MAP3K13: variants seen among roughly 807,000 people sequenced by gnomAD.
MAP3K13 encodes leucine zipper-bearing kinase.
In MAP3K13, 52 loss-of-function variants were observed where a neutral mutation model predicts 104.0. The ratio of observed to expected loss-of-function variants is 0.50; its 90% confidence interval spans 0.40 to 0.63. The LOEUF (loss-of-function observed/expected upper bound fraction) is 0.63, where lower values mean the gene tolerates loss of function less well. Ranked by LOEUF, MAP3K13 falls within the 20% of genes least tolerant of loss-of-function variation. The pLI is 0.00. For missense variants in MAP3K13, 914 were observed against 1,218.5 expected (o/e 0.75, Z 3.72); for synonymous variants, 394 against 442.2 (o/e 0.89, Z 1.37).
At chr3:185,474,877 A>AT (rs942916147) in intron 11 of MAP3K13, among the ~76,000 whole-genome samples, 2 of 152,006 alleles carry the variant, frequency 1.3e-5, no homozygotes, top group African/African-American at 4.8e-5. Context: ...CAGGTGGATC[A>AT]TGAGGTCAGG....
rs113373628 is a variant in MAP3K13, at chr3:185,426,167, G to A, written c.-85-2330G>A. On this transcript the variant is annotated intron_variant, in intron 1 of 13. Transcript: ENST00000265026. ...GCAATCTTGGCTCACTGCAACCTCC[G>A]CTTGCTGGGTTCGAGCAATTCTCCT... is the stretch of plus-strand genomic sequence containing the variant. Among the ~76,000 whole-genome samples, 1,357 of 152,170 alleles carry A rather than the reference G, an allele frequency of 8.9e-3. 28 individuals carry two copies. Among genetic ancestry groups the A allele is most frequent in the African/African-American group, 0.03 (1,264 of 41,528 alleles).
chr3:185,404,823 CGCCTCGCCTCG>C, intron 1 of MAP3K13, among the ~76,000 whole-genome samples: 1 of 152,146 alleles, frequency 6.6e-6, no homozygotes, highest in Non-Finnish European at 1.5e-5. Context: ...GTGATCCGCC[CGCCTCGCCTCG>C]GCCTCCCAAA....
chr3:185,404,791 G>C (rs928442562), intron 1 of MAP3K13, among the ~76,000 whole-genome samples: 1 of 152,118 alleles, frequency 6.6e-6, no homozygotes, highest in African/African-American at 2.4e-5. Context: ...TGGCCAGGCT[G>C]GTCTCAAACT....
At chr3:185,293,714 T>C (rs1720824591) in intron 2 of MAP3K13, among the ~76,000 whole-genome samples, 2 of 152,304 alleles carry the variant, frequency 1.3e-5, no homozygotes, top group Admixed American at 1.3e-4. Context: ...CATGAGCCAC[T>C]GTGCCCGCCC....
rs1385833189 is a variant in MAP3K13 at position 185,488,273 on chromosome 3, G to A, written c.*5817G>A. The stretch of plus-strand genomic sequence containing the variant: ...GGCAGCAAAATGTTTCTTCTTTGCT[G>A]ATTTCATAGGACAAATATCCTAGCA... On this transcript the variant is annotated 3_prime_UTR_variant, in exon 14 of 14. Coordinates refer to ENST00000265026, the MANE Select transcript of MAP3K13 (RefSeq NM_004721.5). The A allele has an allele frequency of 2.0e-5, 3 of 152,158 alleles. No individual in the cohort carries two copies. Among genetic ancestry groups the A allele is most frequent in the Non-Finnish European group, 4.4e-5 (3 of 68,036 alleles). The allele number at this position is 152,158 out of a possible 1,614,324, so 9.4% of individuals were successfully genotyped here. A position where few individuals can be genotyped will look rare whatever the true frequency, so the allele number is the denominator to read the frequency against.
Position 185,291,903 on chromosome 3 carries a change from CAAAAAAAAAAA to C in MAP3K13, c.-86+6270_-86+6280del, listed in dbSNP as rs139816082. The C allele has an allele frequency of 7.5e-5, 69 of 914,068 alleles. 1 individual carries two copies. The highest frequency in any genetic ancestry group is 5.3e-4 in the Middle Eastern group (1 of 1,900). 56.6% of individuals were successfully genotyped at this position (914,068 alleles called of 1,614,324 possible). On this transcript the variant is annotated intron_variant, in intron 2 of 14. Transcript: ENST00000424227. ...CTAGAGCCAAGGAGACAGTGCTTTCCAAAAAAAAAAAAAAAAAAAATGTGTTCTGTGGCCAT... is the reference window on the plus strand; with the variant it reads ...CTAGAGCCAAGGAGACAGTGCTTTCCAAAAAAAAATGTGTTCTGTGGCCAT...
intron 2 of MAP3K13, among the ~76,000 whole-genome samples, chr3:185,288,899 T>C (rs1472937885): frequency 6.6e-6 from 1 of 152,178 alleles, no homozygotes; most frequent in African/African-American, 2.4e-5. Context: ...TTTCCTAGCA[T>C]TCCAATTGTT....
At position 185,450,675 on chromosome 3, in the gene MAP3K13, C is replaced by T. The variant is rs1270827119; in HGVS notation, c.1170-612C>T. On this transcript the variant is annotated intron_variant, in intron 6 of 13. Transcript: ENST00000265026. The surrounding 1 kb of genome is among the most constrained non-coding windows in gnomAD (Gnocchi z 4.2). ...CAGGGCCAGGCATGGTGGCTCACGC[C>T]TGTAATCCCAACACTTTGGGAGGCC... Among the ~76,000 whole-genome samples, 1 of 152,024 alleles carries T rather than the reference C, an allele frequency of 6.6e-6. No homozygotes were observed. Among genetic ancestry groups the T allele is most frequent in the Non-Finnish European group, 1.5e-5 (1 of 67,998 alleles).
At chr3:185,291,122 G>C (rs1720721107) in intron 2 of MAP3K13, among the ~76,000 whole-genome samples, 1 of 152,050 alleles carries the variant, frequency 6.6e-6, no homozygotes, top group Non-Finnish European at 1.5e-5. Flanking sequence ...TTTTCTCCCT[G>C]TTTAAATATT....
rs558586000 is a variant in MAP3K13 at position 185,299,683 on chromosome 3, C to G, written c.-86+14040C>G. 4.2e-5 allele frequency among the ~76,000 whole-genome samples: 2 copies of G among 47,240 alleles called. 1 individual carries two copies. The highest frequency in any genetic ancestry group is 1.3e-3 in the East Asian group (2 of 1,560). The allele number at this position is 47,240 out of a possible 152,430, so 31.0% of individuals were successfully genotyped here. On this transcript the variant is annotated intron_variant, in intron 2 of 14. Transcript: ENST00000424227. ...CCGGGTTCACGCCATTCTCCTGCCT[C>G]AGCCTCCCGAGTAGCTGGGACTACA...
At chr3:185,320,441 C>T (rs1721815994) in intron 2 of MAP3K13, among the ~76,000 whole-genome samples, 1 of 152,126 alleles carries the variant, frequency 6.6e-6, no homozygotes, top group Non-Finnish European at 1.5e-5. Flanking sequence ...TTTATCTTGA[C>T]TACTCTTAAA....
chr3:185,458,630 C>G (rs185230289), intron 7 of MAP3K13, among the ~76,000 whole-genome samples: 2 of 152,256 alleles, frequency 1.3e-5, no homozygotes, highest in East Asian at 1.9e-4. Context: ...TTGGCAGGCA[C>G]ATTCTCTTTC....
At chr3:185,307,935 T>A (rs1721354547) in intron 2 of MAP3K13, among the ~76,000 whole-genome samples, 1 of 151,686 alleles carries the variant, frequency 6.6e-6, no homozygotes, top group Non-Finnish European at 1.5e-5. Flanking sequence ...CCTCTTGTAG[T>A]GCATTGAGTT....
At chr3:185,458,292 C>A (rs959474118) in intron 7 of MAP3K13, among the ~76,000 whole-genome samples, 1 of 150,636 alleles carries the variant, frequency 6.6e-6, no homozygotes, top group African/African-American at 2.5e-5. Context: ...CGCTTGAACC[C>A]AGGAGGCAGA....
chr3:185,410,611 A>G (rs150562943), intron 1 of MAP3K13, among the ~76,000 whole-genome samples: 40 of 152,294 alleles, frequency 2.6e-4, no homozygotes, highest in African/African-American at 6.3e-4. Flanking sequence ...TCCCATAACA[A>G]TGTACAATTA....
upstream of MAP3K13, among the ~76,000 whole-genome samples, chr3:185,359,739 C>T (rs892795595): frequency 6.6e-6 from 1 of 152,048 alleles, no homozygotes. Context: ...GATTTGAGCC[C>T]AGATCTCTTT....
chr3:185,427,357 C>CT (rs1714487374), intron 1 of MAP3K13, among the ~76,000 whole-genome samples: 1 of 151,886 alleles, frequency 6.6e-6, no homozygotes, highest in Admixed American at 6.6e-5. Context: ...GAGCGAGACT[C>CT]TGTCTCAAAA....
At chr3:185,412,134 G>A (rs1374350793) in intron 1 of MAP3K13, among the ~76,000 whole-genome samples, 1 of 151,956 alleles carries the variant, frequency 6.6e-6, no homozygotes, top group East Asian at 1.9e-4. Flanking sequence ...TGTATTGAGG[G>A]ACTACATATT....
At chr3:185,325,000 T>C (rs1179188264) in intron 2 of MAP3K13, among the ~76,000 whole-genome samples, 2 of 152,212 alleles carry the variant, frequency 1.3e-5, no homozygotes, top group African/African-American at 4.8e-5. Context: ...CCAAAGAATA[T>C]TGATTTATGG....
Sources: allele counts gnomAD v4.1 joint callset (sites outside exome capture counted in the v4.1 genomes callset), GRCh38; gene constraint gnomAD v4.1.1; non-coding constraint Gnocchi (gnomAD v3.1); transcripts MANE v1.5; gene names NCBI Gene and HGNC (gene_info 2026-07-23, HGNC 2026-07-21).